Variants in COL23A1 observed in about 807,000 individuals in gnomAD.
The protein encoded by COL23A1 is collagen alpha-1(XXIII) chain.
A neutral mutation model predicts 99.3 loss-of-function variants in COL23A1; 97 were observed. The ratio of observed to expected loss-of-function variants is 0.98; its 90% CI spans 0.83 to 1.16. The LOEUF (loss-of-function observed/expected upper bound fraction) is 1.16, where lower values mean the gene tolerates loss of function less well. Ranked by LOEUF, COL23A1 falls within the 50% of genes most tolerant of loss-of-function variation. The pLI is 0.00. For missense variants in COL23A1, 762 were observed against 757.4 expected (o/e 1.01, Z -0.07); for synonymous variants, 320 against 308.2 (o/e 1.04, Z -0.40).
At chr5:178,404,261 C>A (rs1190149445) in intron 2 of COL23A1, among the ~76,000 whole-genome samples, 2 of 152,170 alleles carry the variant, frequency 1.3e-5, no homozygotes, top group East Asian at 1.9e-4. Flanking sequence ...TGTGCTCAAT[C>A]GCAATCACTG....
chr5:178,437,062 T>C (rs760666636), intron 2 of COL23A1, among the ~76,000 whole-genome samples: 7 of 152,146 alleles, frequency 4.6e-5, no homozygotes, highest in Non-Finnish European at 1.0e-4. Flanking sequence ...AGTCATATAT[T>C]CTTAATACCC....
intron 2 of COL23A1, among the ~76,000 whole-genome samples, chr5:178,451,656 CA>C (rs5873614): frequency 2.4e-4 from 25 of 105,544 alleles, no homozygotes; most frequent in South Asian, 1.0e-3. Context: ...AACTCCATCT[CA>C]AAAAAAAAAA....
At chr5:178,539,081 T>TAGGGGTTAACGGCTA (rs1761138380) in intron 2 of COL23A1, among the ~76,000 whole-genome samples, 1 of 152,148 alleles carries the variant, frequency 6.6e-6, no homozygotes, top group African/African-American at 2.4e-5. Flanking sequence ...GGAAGGGGCT[T>TAGGGGTTAACGGCTA]AGGGGTTAAC....
chr5:178,509,965 C>A (rs1352309373), intron 2 of COL23A1, among the ~76,000 whole-genome samples: 1 of 152,306 alleles, frequency 6.6e-6, no homozygotes, highest in East Asian at 1.9e-4. Context: ...GGGCTGAGAT[C>A]AACATTTCCG....
Position 178,469,315 on chromosome 5 carries a change from C to T in COL23A1, c.361+91367G>A, listed in dbSNP as rs548825703. ...ATGATTAGGCAGGAGCTTGTTACCC[C>T]TGGGACACTGCGCAGTGAGCAGGCT... On this transcript the variant is annotated intron_variant, in intron 2 of 28. Transcript: ENST00000390654. 4.6e-5 allele frequency among the ~76,000 whole-genome samples: 7 copies of T among 152,274 alleles called. No individual in the cohort carries two copies. In the East Asian group the frequency reaches 5.8e-4, roughly 13 times the overall value.
At chr5:178,270,492 C>A in intron 5 of COL23A1, 129 bp from the exon 6 acceptor site, 1 of 1,104,742 alleles carries the variant, frequency 9.1e-7, no homozygotes, top group African/African-American at 1.5e-5. Flanking sequence ...TGGGTTCAGT[C>A]CATGTGGCCT....
chr5:178,248,389 T>C (rs1764829468), intron 19 of COL23A1, 135 bp from the exon 20 acceptor site: 6 of 638,180 alleles, frequency 9.4e-6, no homozygotes, highest in South Asian at 2.2e-5. Context: ...AACTGAAAAG[T>C]TTTCCCTACA....
intron 16 of COL23A1, among the ~76,000 whole-genome samples, chr5:178,253,209 C>T (rs77828950): frequency 0.036 from 5,449 of 152,086 alleles, 333 homozygotes; most frequent in African/African-American, 0.13. Context: ...CTCCACACTC[C>T]TCCCCTCCCT....
intron 2 of COL23A1, among the ~76,000 whole-genome samples, chr5:178,419,193 C>G (rs1411983051): frequency 6.6e-6 from 1 of 152,228 alleles, no homozygotes; most frequent in Non-Finnish European, 1.5e-5. Flanking sequence ...TGCTGGCCCT[C>G]TGTCCCTCAG....
intron 2 of COL23A1, among the ~76,000 whole-genome samples, chr5:178,429,732 C>T (rs1766154303): frequency 6.6e-6 from 1 of 151,784 alleles, no homozygotes; most frequent in Non-Finnish European, 1.5e-5. Context: ...GATCTGAGCA[C>T]ATGGCCCTGA....
At chr5:178,279,549 G>C (rs1229038565) in intron 5 of COL23A1, among the ~76,000 whole-genome samples, 1 of 152,208 alleles carries the variant, frequency 6.6e-6, no homozygotes, top group Non-Finnish European at 1.5e-5. Context: ...CACGTGGCTG[G>C]GAAGACGAGG....
At chr5:178,358,359 T>C (rs925509678) in intron 2 of COL23A1, among the ~76,000 whole-genome samples, 24 of 149,390 alleles carry the variant, frequency 1.6e-4, no homozygotes, top group South Asian at 6.6e-4. Context: ...TGTGTGTATG[T>C]GTATGTGTAC....
chr5:178,345,242 A>C (rs1760895101), intron 2 of COL23A1: 1 of 823,224 alleles, frequency 1.2e-6, no homozygotes, highest in East Asian at 3.8e-5. Flanking sequence ...TAATGTCCCT[A>C]TTCAAGACAG....
chr5:178,243,088 A>C (rs1041878481), intron 25 of COL23A1, among the ~76,000 whole-genome samples: 1 of 152,030 alleles, frequency 6.6e-6, no homozygotes, highest in Non-Finnish European at 1.5e-5. Context: ...TACTTGGGAG[A>C]CTGAGGCAGG....
intron 2 of COL23A1, among the ~76,000 whole-genome samples, chr5:178,536,653 C>T (rs542334302): frequency 4.6e-5 from 7 of 152,238 alleles, no homozygotes; most frequent in South Asian, 2.1e-4. Flanking sequence ...CCCTGAGCTC[C>T]GGTACCTGCT....
At chr5:178,327,634 G>T (rs1032686498) in intron 2 of COL23A1, among the ~76,000 whole-genome samples, 1 of 152,150 alleles carries the variant, frequency 6.6e-6, no homozygotes, top group Admixed American at 6.5e-5. Context: ...CGACTGGAGG[G>T]GTGAGGCGCA....
intron 2 of COL23A1, among the ~76,000 whole-genome samples, chr5:178,481,550 A>C (rs1001161717): frequency 5.3e-5 from 8 of 152,192 alleles, no homozygotes; most frequent in African/African-American, 1.9e-4. Context: ...CCCAATTAAA[A>C]AATGGGCAAA....
intron 3 of COL23A1, among the ~76,000 whole-genome samples, chr5:178,296,312 C>A (rs1757736923): frequency 6.6e-6 from 1 of 152,204 alleles, no homozygotes; most frequent in African/African-American, 2.4e-5. Context: ...TCCTCGTGCA[C>A]CGGCAGCTCC....
At chr5:178,554,899 A>G (rs1475820121) in intron 2 of COL23A1, among the ~76,000 whole-genome samples, 2 of 152,232 alleles carry the variant, frequency 1.3e-5, no homozygotes, top group Non-Finnish European at 2.9e-5. Flanking sequence ...ACGAAGTTCC[A>G]AGATTAAACA....
Sources: allele counts gnomAD v4.1 joint callset (sites outside exome capture counted in the v4.1 genomes callset), GRCh38; gene constraint gnomAD v4.1.1; transcripts MANE v1.5; gene names NCBI Gene and HGNC (gene_info 2026-07-23, HGNC 2026-07-21).